ADAM9: variants seen among roughly 807,000 people sequenced by gnomAD.
ADAM9 encodes the protein disintegrin and metalloproteinase domain-containing protein 9.
ADAM9 carries 54 observed loss-of-function variants against 108.1 expected under a neutral mutation model. That is an observed-to-expected ratio of 0.50 (90% CI 0.40 to 0.63). The LOEUF is 0.63. ADAM9 is among the 20% of genes least tolerant of loss of function. The pLI is 0.00. For synonymous variants in ADAM9, 316 were observed against 336.0 expected (o/e 0.94, Z 0.65); for missense variants, 830 against 997.7 (o/e 0.83, Z 2.26).
chr8:39,095,135 G>A (rs1368243390), intron 20 of ADAM9, among the ~76,000 whole-genome samples: 1 of 152,064 alleles, frequency 6.6e-6, no homozygotes, highest in African/African-American at 2.4e-5. Context: ...AGATATAGTT[G>A]TTTCTTGGTA....
Position 39,083,048 on chromosome 8 carries a change from T to G in ADAM9, c.2043T>G (p.Ser681Arg). 6.2e-7 allele frequency: 1 copy of G among 1,613,832 alleles called. No individual in the cohort carries two copies. Among genetic ancestry groups the G allele is most frequent in the Non-Finnish European group, 8.5e-7 (1 of 1,179,764 alleles). ...GTGAGACTAAAGGATACGGAGGAAG[T>G]GTGGACAGTGGACCTACATACAATG... ...PNCETKGYGG[S>R]VDSGPTYNEM... The change falls in exon 18 of 22, where the codon AGT becomes AGG. Residue 681 changes from serine to arginine, a missense_variant. Physicochemically the swap from Ser to Arg is moderately radical, Grantham distance 110. This residue lies in a region of ADAM9 where 238 missense variants were observed against 235.7 expected (regional missense o/e 1.01). Coordinates refer to ENST00000487273, the MANE Select transcript of ADAM9 (RefSeq NM_003816.3).
rs1179023014 is a variant in ADAM9, at chr8:39,055,687, A to T, written c.1506A>T (p.Gly502=). 1.2e-6 allele frequency: 2 copies of T among 1,613,694 alleles called. No homozygotes were observed. Among genetic ancestry groups the T allele is most frequent in the African/African-American group, 1.3e-5 (1 of 74,930 alleles). Residue 502 remains glycine (G), a synonymous_variant, in exon 14 of 22, where the codon GGA becomes GGT. Transcript: ENST00000487273. ...AGCCAGATGTTTTTATTCAGAATGG[A>T]TATCCTTGCCAGAATAACAAAGCCT... The part of the protein sequence containing the change: ...FCQPDVFIQN[G]YPCQNNKAYC...
chr8:39,100,107 A>G (rs935162014), intron 20 of ADAM9, among the ~76,000 whole-genome samples: 1 of 151,784 alleles, frequency 6.6e-6, no homozygotes, highest in African/African-American at 2.4e-5. Flanking sequence ...TCCTGACCTC[A>G]TGTGATCCAC....
chr8:38,996,993 G>T lies in ADAM9; in HGVS notation c.-71G>T, dbSNP rs775647233. The stretch of plus-strand genomic sequence containing the variant: ...CGGCCAGACTTGGGGCCCCGGCAGG[G>T]TTGGAAAATGATGGAAGAGGCGGAG... On this transcript the variant is annotated 5_prime_UTR_variant, in exon 1 of 22. Transcript: ENST00000487273. 2.6e-6 allele frequency: 4 copies of T among 1,560,840 alleles called. No individual in the cohort carries two copies. The African/African-American group carries it at 5.4e-5, about 21-fold the overall frequency.
At chr8:39,033,698 A>G in intron 11 of ADAM9, among the ~76,000 whole-genome samples, 1 of 152,264 alleles carries the variant, frequency 6.6e-6, no homozygotes, top group South Asian at 2.1e-4. Context: ...TATGGTGTCA[A>G]TGAAATTAAT....
intron 7 of ADAM9, among the ~76,000 whole-genome samples, 156 bp downstream of exon 7, chr8:39,019,074 C>A (rs1210549181): frequency 2.0e-5 from 3 of 152,174 alleles, no homozygotes; most frequent in Non-Finnish European, 4.4e-5. Context: ...CTTTATACCA[C>A]CAGAATACCA....
intron 20 of ADAM9, among the ~76,000 whole-genome samples, chr8:39,098,963 A>G (rs958347427): frequency 2.6e-5 from 4 of 151,940 alleles, no homozygotes; most frequent in Middle Eastern, 3.2e-3. Flanking sequence ...GTTGATATAT[A>G]TATATTTTTT....
intron 11 of ADAM9, among the ~76,000 whole-genome samples, chr8:39,037,735 C>T (rs1270564993): frequency 6.6e-6 from 1 of 152,096 alleles, no homozygotes; most frequent in Non-Finnish European, 1.5e-5. Context: ...TGCATGTATA[C>T]CATGTAGCAG....
intron 11 of ADAM9, among the ~76,000 whole-genome samples, chr8:39,033,488 CAG>C (rs995097925): frequency 7.3e-5 from 11 of 151,188 alleles, no homozygotes; most frequent in Non-Finnish European, 1.3e-4. Flanking sequence ...TTAGCATTGA[CAG>C]TGTGTTTTTT....
At position 39,045,273 on chromosome 8, in the gene ADAM9, T is replaced by C. The variant is rs188708269; in HGVS notation, c.1302+3156T>C. On this transcript the variant is annotated intron_variant, in intron 12 of 21. Coordinates refer to ENST00000487273, the MANE Select transcript of ADAM9 (RefSeq NM_003816.3). Reference sequence around the variant, plus strand: ...ATATATGTGTATATATGTGTATACATACATATGTATATGTGTGTGTACACC... The same window carrying C: ...ATATATGTGTATATATGTGTATACACACATATGTATATGTGTGTGTACACC... Among the ~76,000 whole-genome samples the C allele has an allele frequency of 1.9e-4, 26 of 138,570 alleles. 2 individuals carry two copies. Among genetic ancestry groups the C allele is most frequent in the African/African-American group, 7.0e-4 (26 of 37,134 alleles). The allele number at this position is 138,570 out of a possible 152,430, so 90.9% of individuals were successfully genotyped here. A position where few individuals can be genotyped will look rare whatever the true frequency, so the allele number is the denominator to read the frequency against.
At chr8:39,097,455 C>T (rs1221791029) in intron 20 of ADAM9, among the ~76,000 whole-genome samples, 3 of 151,826 alleles carry the variant, frequency 2.0e-5, no homozygotes, top group Admixed American at 1.3e-4. Flanking sequence ...TACAGGCATG[C>T]GCCACTACTC....
chr8:39,012,352 T>G (rs140569477), intron 3 of ADAM9, among the ~76,000 whole-genome samples: 1 of 152,222 alleles, frequency 6.6e-6, no homozygotes, highest in African/African-American at 2.4e-5. Flanking sequence ...CTAGTCAATA[T>G]AGACAGGCTG....
intron 11 of ADAM9, among the ~76,000 whole-genome samples, chr8:39,032,867 T>G (rs1837142548): frequency 1.3e-5 from 2 of 152,236 alleles, no homozygotes; most frequent in East Asian, 1.9e-4. Flanking sequence ...GCACCAGTCC[T>G]CCAACTTTGT....
chr8:39,055,611 C>G lies in ADAM9; in HGVS notation c.1430C>G (p.Thr477Ser), dbSNP rs1389316736. The change falls in exon 14 of 22, where the codon ACC becomes AGC. Residue 477 changes from threonine to serine, a missense_variant. Thr to Ser is a moderately conservative substitution (Grantham distance 58, BLOSUM62 1). Around this residue, in one of 3 missense-constraint regions of ADAM9, gnomAD observed 381 missense variants for 539.8 expected, o/e 0.71. Coordinates refer to ENST00000487273, the MANE Select transcript of ADAM9 (RefSeq NM_003816.3). ...GGAGGTACTTTATGCCGAGGAAAAA[C>G]CAGTGAGTGTGATGTTCCAGAGTAC... The part of the protein sequence containing the change: ...LPGGTLCRGK[T>S]SECDVPEYCN... 1.9e-6 allele frequency: 3 copies of G among 1,613,656 alleles called. No individual in the cohort carries two copies. Among genetic ancestry groups the G allele is most frequent in the Non-Finnish European group, 2.5e-6 (3 of 1,179,688 alleles).
chr8:39,006,741 GC>G (rs1373719307), intron 1 of ADAM9, among the ~76,000 whole-genome samples: 1 of 151,916 alleles, frequency 6.6e-6, no homozygotes, highest in Non-Finnish European at 1.5e-5. Flanking sequence ...TAGAACCCAA[GC>G]CCTGCTTAAG....
chr8:39,028,845 G>A (rs1837008614), intron 11 of ADAM9, among the ~76,000 whole-genome samples: 1 of 152,132 alleles, frequency 6.6e-6, no homozygotes, highest in Non-Finnish European at 1.5e-5. Context: ...GAATGTGGAG[G>A]ATTGGGAGGA....
At chr8:39,007,620 T>C (rs1475212600) in intron 1 of ADAM9, among the ~76,000 whole-genome samples, 2 of 152,258 alleles carry the variant, frequency 1.3e-5, no homozygotes. Flanking sequence ...ATGTTTGAAA[T>C]GATTGCTATG....
chr8:39,051,508 A>G (rs1433101815), intron 12 of ADAM9, among the ~76,000 whole-genome samples: 1 of 152,214 alleles, frequency 6.6e-6, no homozygotes, highest in Non-Finnish European at 1.5e-5. Flanking sequence ...TAGATCTAGT[A>G]ATTCTACCTT....
chr8:38,998,543 T>G (rs185268123), intron 1 of ADAM9, among the ~76,000 whole-genome samples: 51 of 152,352 alleles, frequency 3.3e-4, no homozygotes, highest in Admixed American at 1.5e-3. Flanking sequence ...TCGGCATGTG[T>G]ATGCCCCTTC....
Sources: gnomAD v4.1 joint callset for allele counts (sites outside exome capture counted in the v4.1 genomes callset) on GRCh38, gnomAD v4.1.1 for gene constraint, gnomAD v4.1.1 regional missense constraint, MANE v1.5 for transcripts, NCBI Gene and HGNC (gene_info 2026-07-23, HGNC 2026-07-21) for gene names.